Variants in ZRANB3 observed in about 807,000 individuals in gnomAD.
ZRANB3 encodes the protein DNA annealing helicase and endonuclease ZRANB3.
A neutral mutation model predicts 133.8 loss-of-function variants in ZRANB3; 125 were observed. The ratio of observed to expected loss-of-function variants is 0.93; its 90% confidence interval spans 0.81 to 1.08. ZRANB3 has a LOEUF of 1.08. Among genes scored for constraint, ZRANB3 ranks in the 50% least tolerant of loss-of-function variants. The pLI is 0.00. For missense variants in ZRANB3, 1,229 were observed against 1,275.5 expected (o/e 0.96, Z 0.56); for synonymous variants, 387 against 432.7 (o/e 0.89, Z 1.31).
intron 8 of ZRANB3, among the ~76,000 whole-genome samples, chr2:135,301,220 T>C (rs1446865664): frequency 1.3e-5 from 2 of 151,510 alleles, no homozygotes; most frequent in African/African-American, 4.8e-5. Context: ...AGTTTCACTC[T>C]TGTTGCCCAG....
intron 12 of ZRANB3, among the ~76,000 whole-genome samples, 200 bp from the exon 13 acceptor site, chr2:135,231,127 G>C (rs1694994449): frequency 6.6e-6 from 1 of 151,888 alleles, no homozygotes; most frequent in Admixed American, 6.6e-5. Flanking sequence ...TGTACTTCCT[G>C]TGTCTAACTT....
chr2:135,271,373 C>T (rs1188495518), intron 10 of ZRANB3: 1 of 472,598 alleles, frequency 2.1e-6, no homozygotes, highest in Non-Finnish European at 4.4e-6. Flanking sequence ...TCTTTTCCCC[C>T]AGGCCACCTT....
intron 2 of ZRANB3, among the ~76,000 whole-genome samples, chr2:135,404,215 C>G (rs779608649): frequency 6.6e-6 from 1 of 152,064 alleles, no homozygotes; most frequent in Non-Finnish European, 1.5e-5. Flanking sequence ...AAAAATTAGA[C>G]GCATGGCTAA....
At chr2:135,201,353 G>A (rs1391838243) in intron 20 of ZRANB3, among the ~76,000 whole-genome samples, 1 of 152,046 alleles carries the variant, frequency 6.6e-6, no homozygotes, top group Non-Finnish European at 1.5e-5. Flanking sequence ...AAACAGTAAG[G>A]ACAGAAGAGA....
At chr2:135,210,190 G>A (rs888712617) in intron 17 of ZRANB3, among the ~76,000 whole-genome samples, 1 of 152,154 alleles carries the variant, frequency 6.6e-6, no homozygotes, top group African/African-American at 2.4e-5. Context: ...TCCCTGGGAT[G>A]TGTACAATAC....
At chr2:135,294,970 T>C (rs1039493668) in intron 8 of ZRANB3, among the ~76,000 whole-genome samples, 2 of 152,204 alleles carry the variant, frequency 1.3e-5, no homozygotes, top group Middle Eastern at 3.2e-3. Flanking sequence ...GAGAGTTTGT[T>C]ATAATTTCTG....
chr2:135,365,418 TAATC>T (rs1317405377), intron 3 of ZRANB3, among the ~76,000 whole-genome samples: 4 of 152,242 alleles, frequency 2.6e-5, no homozygotes, highest in Non-Finnish European at 5.9e-5. Context: ...ATATCTCAGG[TAATC>T]AATTAAAGTG....
chr2:135,211,834 G>A (rs775046036), intron 17 of ZRANB3, among the ~76,000 whole-genome samples: 2 of 152,134 alleles, frequency 1.3e-5, no homozygotes, highest in African/African-American at 2.4e-5. Flanking sequence ...AATAGATATC[G>A]TTATATATGA....
intron 2 of ZRANB3, among the ~76,000 whole-genome samples, chr2:135,445,952 C>A (rs56248432): frequency 0.044 from 6,623 of 150,202 alleles, 483 homozygotes; most frequent in African/African-American, 0.15. Flanking sequence ...CACCTGTAAT[C>A]CCAGCACTTT....
chr2:135,290,749 T>C (rs1454865583), intron 8 of ZRANB3, among the ~76,000 whole-genome samples: 1 of 151,862 alleles, frequency 6.6e-6, no homozygotes, highest in Non-Finnish European at 1.5e-5. Flanking sequence ...TTTTGGTGTA[T>C]TTCAAGGATT....
At chr2:135,412,848 G>T (rs1398347340) in intron 2 of ZRANB3, among the ~76,000 whole-genome samples, 1 of 152,046 alleles carries the variant, frequency 6.6e-6, no homozygotes, top group South Asian at 2.1e-4. Context: ...TCAAGCATTA[G>T]ACACTAGTTT....
At chr2:135,423,237 A>G (rs895593161) in intron 2 of ZRANB3, among the ~76,000 whole-genome samples, 7 of 152,154 alleles carry the variant, frequency 4.6e-5, no homozygotes, top group African/African-American at 1.7e-4. Flanking sequence ...GTTTGAGACC[A>G]GCCTGGCCAA....
At chr2:135,487,870 A>T (rs1045984830) in intron 2 of ZRANB3, among the ~76,000 whole-genome samples, 1 of 152,204 alleles carries the variant, frequency 6.6e-6, no homozygotes, top group African/African-American at 2.4e-5. Flanking sequence ...ATACTGGAGG[A>T]GTACATTTAA....
At chr2:135,292,200 A>G (rs1377089294) in intron 8 of ZRANB3, among the ~76,000 whole-genome samples, 3 of 152,184 alleles carry the variant, frequency 2.0e-5, no homozygotes. Flanking sequence ...GAACTAGTTT[A>G]CAGTCCCACC....
At chr2:135,298,287 G>T (rs1573862332) in intron 8 of ZRANB3, among the ~76,000 whole-genome samples, 1 of 152,080 alleles carries the variant, frequency 6.6e-6, no homozygotes, top group East Asian at 1.9e-4. Context: ...TCCTTGAGTA[G>T]CTTAATAATT....
At chr2:135,433,961 C>T (rs1689424098) in intron 2 of ZRANB3, among the ~76,000 whole-genome samples, 1 of 152,156 alleles carries the variant, frequency 6.6e-6, no homozygotes, top group South Asian at 2.1e-4. Flanking sequence ...AGCGCCACTG[C>T]ACTCCAGCCT....
intron 1 of ZRANB3, among the ~76,000 whole-genome samples, chr2:135,517,382 G>A (rs1693743226): frequency 6.6e-6 from 1 of 151,966 alleles, no homozygotes; most frequent in Admixed American, 6.6e-5. Flanking sequence ...GCCTTTTTGT[G>A]CTGTTTTTTC....
intron 2 of ZRANB3, among the ~76,000 whole-genome samples, chr2:135,500,161 G>A (rs1315753420): frequency 6.6e-6 from 1 of 152,220 alleles, no homozygotes; most frequent in Non-Finnish European, 1.5e-5. Context: ...ATAAATTTCT[G>A]TTGTTTAAGC....
At chr2:135,326,898 CAAAAA>C (rs56683794) in intron 6 of ZRANB3, among the ~76,000 whole-genome samples, 10,140 of 60,820 alleles carry the variant, frequency 0.17, 350 homozygotes, top group South Asian at 0.37. Flanking sequence ...GACTCCATCT[CAAAAA>C]AAAAAAAAAA....
Sources: gnomAD v4.1 joint callset for allele counts (sites outside exome capture counted in the v4.1 genomes callset) on GRCh38, gnomAD v4.1.1 for gene constraint, MANE v1.5 for transcripts, NCBI Gene and HGNC (gene_info 2026-07-23, HGNC 2026-07-21) for gene names.